The following SLC16A12 variants were observed in gnomAD, a reference collection of about 807,000 sequenced individuals.
SLC16A12 encodes solute carrier family 16 member 12.
SLC16A12 carries 17 observed loss-of-function variants against 42.4 expected under a neutral mutation model. The ratio of observed to expected loss-of-function variants is 0.40; its 90% CI spans 0.27 to 0.60. SLC16A12 has a LOEUF of 0.60. Among genes scored for constraint, SLC16A12 ranks in the 20% least tolerant of loss-of-function variants. The pLI is 0.42. For synonymous variants in SLC16A12, 224 were observed against 229.4 expected (o/e 0.98, Z 0.21); for missense variants, 544 against 623.0 (o/e 0.87, Z 1.35).
At chr10:89,452,867 C>A (rs945474843) in intron 3 of SLC16A12, among the ~76,000 whole-genome samples, 3 of 152,200 alleles carry the variant, frequency 2.0e-5, no homozygotes, top group Non-Finnish European at 4.4e-5. Flanking sequence ...CAGCCATTGG[C>A]GGTGGGTGCC....
At chr10:89,461,467 C>G (rs985004871) in intron 3 of SLC16A12, among the ~76,000 whole-genome samples, 2 of 152,166 alleles carry the variant, frequency 1.3e-5, no homozygotes, top group African/African-American at 4.8e-5. Flanking sequence ...AGACCCTAAC[C>G]TTGTGTAAGA....
At chr10:89,518,614 A>G (rs1177423367) in intron 2 of SLC16A12, among the ~76,000 whole-genome samples, 5 of 152,234 alleles carry the variant, frequency 3.3e-5, no homozygotes, top group Non-Finnish European at 5.9e-5. Flanking sequence ...AGAAACGAAG[A>G]AAAGCAAAGA....
intron 2 of SLC16A12, among the ~76,000 whole-genome samples, chr10:89,501,095 CA>C (rs1379044335): frequency 6.6e-6 from 1 of 152,022 alleles, no homozygotes; most frequent in African/African-American, 2.4e-5. Flanking sequence ...TATACCTAAC[CA>C]AGGAGGTGAA....
intron 2 of SLC16A12, among the ~76,000 whole-genome samples, chr10:89,480,965 T>G (rs944627891): frequency 8.5e-5 from 13 of 152,198 alleles, no homozygotes; most frequent in African/African-American, 3.1e-4. Context: ...GTATACTAAA[T>G]ATCTGTGTCT....
chr10:89,505,145 C>G (rs1843040475), intron 2 of SLC16A12, among the ~76,000 whole-genome samples: 1 of 152,068 alleles, frequency 6.6e-6, no homozygotes, highest in Admixed American at 6.6e-5. Flanking sequence ...CCCAAATAGG[C>G]ACTACTTTTA....
intron 2 of SLC16A12, among the ~76,000 whole-genome samples, chr10:89,542,318 T>TA (rs202133358): frequency 0.012 from 1,818 of 151,326 alleles, 46 homozygotes; most frequent in African/African-American, 0.041. Flanking sequence ...TTTTTTTTTT[T>TA]TTGAGATAGA....
chr10:89,508,525 C>G (rs1032932577), intron 2 of SLC16A12, among the ~76,000 whole-genome samples: 1 of 152,042 alleles, frequency 6.6e-6, no homozygotes, highest in Non-Finnish European at 1.5e-5. Context: ...TTCTTTGAAA[C>G]CAATGAGAAA....
chr10:89,508,375 G>C (rs1024001198), intron 2 of SLC16A12, among the ~76,000 whole-genome samples: 37 of 152,262 alleles, frequency 2.4e-4, no homozygotes, highest in African/African-American at 8.2e-4. Context: ...ACAATAAACT[G>C]TTTCTCAGAC....
intron 2 of SLC16A12, among the ~76,000 whole-genome samples, chr10:89,489,368 C>G (rs11203147): frequency 0.16 from 24,574 of 151,924 alleles, 2,384 homozygotes; most frequent in African/African-American, 0.26. Context: ...GAGACAGGGT[C>G]TCACTCTGTC....
At chr10:89,511,170 G>A (rs1843155473) in intron 2 of SLC16A12, among the ~76,000 whole-genome samples, 1 of 152,150 alleles carries the variant, frequency 6.6e-6, no homozygotes, top group Non-Finnish European at 1.5e-5. Flanking sequence ...AAGACAGTGT[G>A]GTGACTCCTC....
intron 5 of SLC16A12, among the ~76,000 whole-genome samples, chr10:89,439,897 C>T (rs1841875019): frequency 6.6e-6 from 1 of 151,278 alleles, no homozygotes; most frequent in Admixed American, 6.6e-5. Flanking sequence ...TATGGCAAAA[C>T]CCCATCTCTG....
Position 89,498,037 on chromosome 10 carries a change from C to T in SLC16A12, c.-46-35413G>A, listed in dbSNP as rs954825025. Among the ~76,000 whole-genome samples the T allele has an allele frequency of 3.9e-5, 6 of 152,104 alleles. No homozygotes were observed. In the East Asian group the frequency reaches 7.7e-4, roughly 19 times the overall value. On this transcript the variant is annotated intron_variant, in intron 2 of 7. Coordinates refer to ENST00000371790, the MANE Select transcript of SLC16A12 (RefSeq NM_213606.4). ...AAATAAAGATAGTAGGGGCCAGGCG[C>T]GGTGGCTCATACCTGTAATCCCAAC...
Position 89,438,978 on chromosome 10 carries a change from A to G in SLC16A12, c.654T>C (p.Cys218=). Residue 218 remains cysteine (C), a synonymous_variant, in exon 6 of 8, where the codon TGT becomes TGC. Transcript: ENST00000371790. ...TTGGCCTCATCAAGGCACCACATACACAGAGATTCAAGACAAAGCCCCCAA... is the reference window on the plus strand; with the variant it reads ...TTGGCCTCATCAAGGCACCACATACGCAGAGATTCAAGACAAAGCCCCCAA... ...LILGGFVLNL[C]VCGALMRPIT... 6.2e-7 allele frequency: 1 copy of G among 1,614,178 alleles called. No homozygotes were observed. Among genetic ancestry groups the G allele is most frequent in the Admixed American group, 1.7e-5 (1 of 60,006 alleles).
chr10:89,436,875 A>AGAAAGAAG (rs1841801942), intron 6 of SLC16A12, among the ~76,000 whole-genome samples: 4 of 132,548 alleles, frequency 3.0e-5, no homozygotes, highest in Non-Finnish European at 6.5e-5. Context: ...AGAAAAAGAA[A>AGAAAGAAG]GAAAGAAAGA....
chr10:89,459,316 T>TTA (rs1554827425), intron 3 of SLC16A12, among the ~76,000 whole-genome samples: 4 of 148,834 alleles, frequency 2.7e-5, no homozygotes, highest in African/African-American at 9.8e-5. Context: ...GCAGTTTTTT[T>TTA]AAAAAAAAAA....
intron 2 of SLC16A12, among the ~76,000 whole-genome samples, chr10:89,483,228 A>G (rs1429983166): frequency 1.3e-5 from 2 of 152,048 alleles, no homozygotes; most frequent in African/African-American, 4.8e-5. Context: ...GCCTACCCTT[A>G]TGGGCCTCCT....
chr10:89,474,691 T>C (rs1180452866), intron 2 of SLC16A12, among the ~76,000 whole-genome samples: 1 of 152,192 alleles, frequency 6.6e-6, no homozygotes, highest in East Asian at 1.9e-4. Flanking sequence ...AGTGTCTGAC[T>C]CTTGGAACAC....
At chr10:89,463,687 G>A (rs1266085919) in intron 2 of SLC16A12, among the ~76,000 whole-genome samples, 1 of 152,028 alleles carries the variant, frequency 6.6e-6, no homozygotes, top group African/African-American at 2.4e-5. Context: ...AAAACCAAAA[G>A]GTAAGCCACA....
chr10:89,452,247 T>C (rs1237906920), intron 3 of SLC16A12, among the ~76,000 whole-genome samples: 2 of 152,178 alleles, frequency 1.3e-5, no homozygotes, highest in Admixed American at 1.3e-4. Context: ...GGAAGTCAAA[T>C]AAAAACAGTT....
Sources: gnomAD v4.1 joint callset for allele counts (sites outside exome capture counted in the v4.1 genomes callset) on GRCh38, gnomAD v4.1.1 for gene constraint, MANE v1.5 for transcripts, NCBI Gene and HGNC (gene_info 2026-07-23, HGNC 2026-07-21) for gene names.